The following GAREM1 variants were observed in gnomAD, a reference collection of about 807,000 sequenced individuals.
GAREM1 encodes GRB2-associated and regulator of MAPK protein 1.
A neutral mutation model predicts 71.3 loss-of-function variants in GAREM1; 26 were observed. The observed-to-expected ratio is 0.36, with a 90% CI of 0.27 to 0.51. The LOEUF is 0.51. Among genes scored for constraint, GAREM1 ranks in the 20% least tolerant of loss-of-function variants. The pLI, the probability that GAREM1 is intolerant of heterozygous loss-of-function variation, is 0.95. For synonymous variants in GAREM1, 440 were observed against 433.2 expected (o/e 1.02, Z -0.20); for missense variants, 1,026 against 1,103.1 (o/e 0.93, Z 0.99).
At chr18:32,350,680 C>T (rs769718289) in intron 2 of GAREM1, among the ~76,000 whole-genome samples, 2 of 152,098 alleles carry the variant, frequency 1.3e-5, no homozygotes, top group African/African-American at 2.4e-5. Context: ...TTGAAGGTTA[C>T]GAATCACTTT....
At position 32,384,056 on chromosome 18, in the gene GAREM1, A is replaced by G. The variant is rs545968087; in HGVS notation, c.262+8839T>C. On this transcript the variant is annotated intron_variant, in intron 2 of 5. Coordinates refer to ENST00000269209, the MANE Select transcript of GAREM1 (RefSeq NM_001242409.2). ...TCTCATAAAGCTCTTATTTTAAGAA[A>G]ATAATTTTTTTAAAAGTTCCTTTAT... Among the ~76,000 whole-genome samples the G allele has an allele frequency of 7.9e-5, 12 of 152,286 alleles. No individual in the cohort carries two copies. In the East Asian group the frequency reaches 2.1e-3, roughly 27 times the overall value.
chr18:32,382,646 T>C (rs560584223), intron 2 of GAREM1, among the ~76,000 whole-genome samples: 44 of 152,174 alleles, frequency 2.9e-4, no homozygotes, highest in African/African-American at 9.9e-4. Context: ...ATAACAGAGC[T>C]GTACTTGAAA....
Position 32,470,445 on chromosome 18 carries a change from T to A in GAREM1, c.-17A>T. The A allele has an allele frequency of 1.5e-6, 2 of 1,357,482 alleles. No individual in the cohort carries two copies. Among genetic ancestry groups the A allele is most frequent in the Non-Finnish European group, 1.9e-6 (2 of 1,040,482 alleles). The allele number at this position is 1,357,482 out of a possible 1,614,324, so 84.1% of individuals were successfully genotyped here. On this transcript the variant is annotated 5_prime_UTR_variant, in exon 1 of 6. Coordinates refer to ENST00000269209, the MANE Select transcript of GAREM1 (RefSeq NM_001242409.2). The surrounding 1 kb of genome is among the most constrained non-coding windows in gnomAD (Gnocchi z 4.4). ...CGGGTCCATCTTCCCCGAAGCCTCC[T>A]GTCCCGCGCTCCCCCGCCGCCGCCA...
At chr18:32,272,189 G>A (rs557219664) in intron 4 of GAREM1, among the ~76,000 whole-genome samples, 4 of 152,202 alleles carry the variant, frequency 2.6e-5, no homozygotes, top group South Asian at 2.1e-4. Context: ...CACCACACCC[G>A]GGACCTCTAC....
intron 2 of GAREM1, 123 bp downstream of exon 2, chr18:32,392,772 A>G: frequency 9.6e-7 from 1 of 1,044,092 alleles, no homozygotes; most frequent in Non-Finnish European, 1.4e-6. Flanking sequence ...ATAACCACAC[A>G]CAAATGTTTG....
intron 1 of GAREM1, among the ~76,000 whole-genome samples, chr18:32,430,334 C>T (rs913996134): frequency 6.6e-6 from 1 of 152,114 alleles, no homozygotes. Context: ...GTTTTAGAAA[C>T]AGTGTTTCTG....
rs1000027903 is a variant in GAREM1 at position 32,265,763 on chromosome 18, A to G, written c.*2108T>C. The G allele has an allele frequency of 6.6e-6, 1 of 152,222 alleles. No individual in the cohort carries two copies. The highest frequency in any genetic ancestry group is 6.5e-5 in the Admixed American group (1 of 15,290). The allele number at this position is 152,222 out of a possible 1,614,324, so 9.4% of individuals were successfully genotyped here. On this transcript the variant is annotated 3_prime_UTR_variant, in exon 6 of 6. Coordinates refer to ENST00000269209, the MANE Select transcript of GAREM1 (RefSeq NM_001242409.2). ...TGAGGCAACCTTTATAGTAAACCCA[A>G]ACCAACCCTGTTCCTTCTTCCTGAG...
chr18:32,326,653 C>T (rs985953022), intron 2 of GAREM1, among the ~76,000 whole-genome samples: 4 of 152,196 alleles, frequency 2.6e-5, no homozygotes, highest in African/African-American at 9.7e-5. Flanking sequence ...TTCCCTTCCA[C>T]CCCCTCACAA....
intron 1 of GAREM1, among the ~76,000 whole-genome samples, chr18:32,434,518 C>A (rs1173237192): frequency 6.6e-6 from 1 of 151,812 alleles, no homozygotes; most frequent in Non-Finnish European, 1.5e-5. Context: ...CTGAAGGACA[C>A]AAAAGCCAAA....
At chr18:32,467,956 T>C (rs529682636) in intron 1 of GAREM1, among the ~76,000 whole-genome samples, 1 of 151,876 alleles carries the variant, frequency 6.6e-6, no homozygotes, top group South Asian at 2.1e-4. Flanking sequence ...ATTGACTCTT[T>C]TAAAGTCTAC....
At position 32,332,975 on chromosome 18, in the gene GAREM1, C is replaced by T. The variant is rs571768960; in HGVS notation, c.263-22652G>A. 4.0e-5 allele frequency among the ~76,000 whole-genome samples: 6 copies of T among 149,978 alleles called. No homozygotes were observed. The South Asian group carries it at 6.3e-4, about 16-fold the overall frequency. On this transcript the variant is annotated intron_variant, in intron 2 of 5. Transcript: ENST00000269209. ...GACACAGGAGAGGAGAGGAGGGTGC[C>T]GTTAGGGGAGAATTTTTTTTTTTTC...
Position 32,455,840 on chromosome 18 carries a change from G to A in GAREM1, c.121+14468C>T, listed in dbSNP as rs566595489. 1.6e-4 allele frequency among the ~76,000 whole-genome samples: 24 copies of A among 152,170 alleles called. 1 individual carries two copies. In the South Asian group the frequency reaches 4.8e-3, roughly 30 times the overall value. On this transcript the variant is annotated intron_variant, in intron 1 of 5. Transcript: ENST00000269209. ...TATGTGTTCTTGGAACACAGCCCAA[G>A]GTAGTCCTGGAAAGAAAGGTGTTGC...
At chr18:32,339,696 T>C (rs1382582938) in intron 2 of GAREM1, among the ~76,000 whole-genome samples, 1 of 152,228 alleles carries the variant, frequency 6.6e-6, no homozygotes, top group Non-Finnish European at 1.5e-5. Context: ...ACAAATCTAA[T>C]TTCGTAGTAT....
intron 1 of GAREM1, among the ~76,000 whole-genome samples, chr18:32,437,189 C>A (rs2048688500): frequency 6.6e-6 from 1 of 152,112 alleles, no homozygotes; most frequent in African/African-American, 2.4e-5. Flanking sequence ...CAGACAGAGC[C>A]AGGAGACGTG....
intron 3 of GAREM1, among the ~76,000 whole-genome samples, chr18:32,298,331 C>T (rs1381912324): frequency 1.3e-5 from 2 of 152,178 alleles, no homozygotes; most frequent in African/African-American, 4.8e-5. Context: ...AATAAATGCT[C>T]TTTCTTTAGC....
intron 2 of GAREM1, among the ~76,000 whole-genome samples, chr18:32,385,845 T>C (rs1425709041): frequency 1.3e-5 from 2 of 152,184 alleles, no homozygotes; most frequent in East Asian, 1.9e-4. Context: ...CTTGTACTTG[T>C]ATGAAATATA....
intron 1 of GAREM1, among the ~76,000 whole-genome samples, chr18:32,435,736 A>C (rs1246539554): frequency 6.6e-6 from 1 of 152,164 alleles, no homozygotes; most frequent in Non-Finnish European, 1.5e-5. Context: ...AATCCCACAC[A>C]ATCTCTGAAG....
chr18:32,299,913 T>C (rs559029105), intron 3 of GAREM1, among the ~76,000 whole-genome samples: 1 of 152,166 alleles, frequency 6.6e-6, no homozygotes, highest in Non-Finnish European at 1.5e-5. Flanking sequence ...AAAAAATTTA[T>C]ATTATGAGAC....
At position 32,267,767 on chromosome 18, in the gene GAREM1, A is replaced by T; in HGVS notation, c.*104T>A. 1 of 856,710 alleles carries T rather than the reference A, an allele frequency of 1.2e-6. No individual in the cohort carries two copies. The highest frequency in any genetic ancestry group is 1.8e-6 in the Non-Finnish European group (1 of 553,668). 53.1% of individuals were successfully genotyped at this position (856,710 alleles called of 1,614,324 possible). A position where few individuals can be genotyped will look rare whatever the true frequency, so the allele number is the denominator to read the frequency against. On this transcript the variant is annotated 3_prime_UTR_variant, in exon 6 of 6. Transcript: ENST00000269209. ...GTAAGAGTTTCTCTTATCCCTATTT[A>T]CAGAGAAGGTTTTTAGTGCAAAAAC...
Sources: gnomAD v4.1 joint callset for allele counts (sites outside exome capture counted in the v4.1 genomes callset) on GRCh38, gnomAD v4.1.1 for gene constraint, Gnocchi (gnomAD v3.1) non-coding constraint, MANE v1.5 for transcripts, NCBI Gene and HGNC (gene_info 2026-07-23, HGNC 2026-07-21) for gene names.